OPCML: variants seen among roughly 807,000 people sequenced by gnomAD.
OPCML encodes opioid-binding protein/cell adhesion molecule.
Under a neutral mutation model 37.8 loss-of-function variants are expected in OPCML, and 13 were observed. That is an observed-to-expected ratio of 0.34 (90% confidence interval 0.22 to 0.55). The LOEUF (loss-of-function observed/expected upper bound fraction) is 0.55, where lower values mean the gene tolerates loss of function less well. Ranked by LOEUF, OPCML falls within the 20% of genes least tolerant of loss-of-function variation. The probability of loss-of-function intolerance (pLI) is 0.91; values close to 1 mark genes in which losing one functional copy is unlikely to be tolerated. For synonymous variants in OPCML, 176 were observed against 168.8 expected (o/e 1.04, Z -0.33); for missense variants, 341 against 435.6 (o/e 0.78, Z 1.93).
intron 3 of OPCML, among the ~76,000 whole-genome samples, chr11:132,622,041 A>G (rs754679348): frequency 6.6e-6 from 1 of 152,192 alleles, no homozygotes; most frequent in Non-Finnish European, 1.5e-5. Flanking sequence ...ATAATTGATT[A>G]TAAAAGAGAG....
At chr11:133,031,566 A>G (rs1040229656) in intron 1 of OPCML, among the ~76,000 whole-genome samples, 1 of 148,540 alleles carries the variant, frequency 6.7e-6, no homozygotes, top group African/African-American at 2.5e-5. Context: ...TGGTGGATGG[A>G]TGGGTAGATG....
At chr11:132,558,277 CCTT>C (rs1389034849) in intron 3 of OPCML, among the ~76,000 whole-genome samples, 1 of 142,030 alleles carries the variant, frequency 7.0e-6, no homozygotes, top group Admixed American at 7.0e-5. Context: ...CTCTTCTTCA[CCTT>C]CTTCCTCTTC....
intron 1 of OPCML, among the ~76,000 whole-genome samples, chr11:133,378,730 C>A (rs1221503055): frequency 2.5e-5 from 3 of 118,136 alleles, no homozygotes; most frequent in Admixed American, 8.6e-5. Flanking sequence ...CTTTTTTTGT[C>A]TTTTTTTGTT....
chr11:132,781,913 CT>C (rs1947035017), intron 2 of OPCML, among the ~76,000 whole-genome samples: 1 of 144,502 alleles, frequency 6.9e-6, no homozygotes, highest in Admixed American at 6.9e-5. Flanking sequence ...GTCAAGATGG[CT>C]TGCTGTTTCT....
chr11:132,648,382 G>A (rs1033002504), intron 3 of OPCML, among the ~76,000 whole-genome samples: 2 of 152,174 alleles, frequency 1.3e-5, no homozygotes, highest in Non-Finnish European at 2.9e-5. Context: ...AAATTCAGCA[G>A]AACATAACAG....
intron 2 of OPCML, among the ~76,000 whole-genome samples, chr11:132,872,485 A>C (rs1430937216): frequency 1.3e-5 from 2 of 152,008 alleles, no homozygotes; most frequent in Non-Finnish European, 2.9e-5. Context: ...CCACCTCCAC[A>C]AGTGAGCAAC....
intron 1 of OPCML, among the ~76,000 whole-genome samples, chr11:133,112,285 CAAAAAAAAA>C (rs370146450): frequency 4.1e-4 from 20 of 49,136 alleles, no homozygotes; most frequent in East Asian, 6.8e-4. Context: ...GACTCTTGGC[CAAAAAAAAA>C]AAAAAAAAAA....
At chr11:132,911,058 T>C (rs1391999784) in intron 2 of OPCML, among the ~76,000 whole-genome samples, 1 of 152,254 alleles carries the variant, frequency 6.6e-6, no homozygotes, top group Non-Finnish European at 1.5e-5. Flanking sequence ...TACATCTGGA[T>C]ATTAACGCTG....
intron 1 of OPCML, among the ~76,000 whole-genome samples, chr11:133,054,212 C>T (rs1948181386): frequency 6.6e-6 from 1 of 152,194 alleles, no homozygotes; most frequent in Admixed American, 6.5e-5. Context: ...CATGTTGGCC[C>T]TCTTATACAT....
At chr11:133,305,288 C>A (rs1422705340) in intron 1 of OPCML, among the ~76,000 whole-genome samples, 3 of 152,078 alleles carry the variant, frequency 2.0e-5, no homozygotes, top group Non-Finnish European at 4.4e-5. Context: ...CCCCCTGTAC[C>A]CCTCTCCAAG....
chr11:133,450,673 T>C (rs1946562970), intron 1 of OPCML, among the ~76,000 whole-genome samples: 1 of 151,682 alleles, frequency 6.6e-6, no homozygotes, highest in Non-Finnish European at 1.5e-5. Context: ...AATCCTTGTG[T>C]ACCCTGTGAC....
At chr11:132,459,247 C>T (rs1400420563) in intron 4 of OPCML, among the ~76,000 whole-genome samples, 1 of 152,102 alleles carries the variant, frequency 6.6e-6, no homozygotes, top group Non-Finnish European at 1.5e-5. Context: ...TGGACTAGAA[C>T]TTCCACTGTT....
At chr11:132,701,399 C>T (rs1204821426) in intron 2 of OPCML, among the ~76,000 whole-genome samples, 1 of 152,170 alleles carries the variant, frequency 6.6e-6, no homozygotes, top group Non-Finnish European at 1.5e-5. Flanking sequence ...TATCAATGAC[C>T]ATTTTTGTCT....
chr11:133,481,003 G>A (rs1947360034), intron 1 of OPCML, among the ~76,000 whole-genome samples: 1 of 152,196 alleles, frequency 6.6e-6, no homozygotes, highest in Non-Finnish European at 1.5e-5. Flanking sequence ...ACTGAGTGGG[G>A]CCCAGGCACT....
At chr11:133,117,393 A>G (rs79483183) in intron 1 of OPCML, among the ~76,000 whole-genome samples, 20,997 of 152,130 alleles carry the variant, frequency 0.14, 1,494 homozygotes, top group East Asian at 0.23. Flanking sequence ...GATGGACCAG[A>G]GCTTTCGGGG....
chr11:133,064,323 T>C (rs1220884803), intron 1 of OPCML, among the ~76,000 whole-genome samples: 5 of 152,198 alleles, frequency 3.3e-5, no homozygotes, highest in Non-Finnish European at 7.4e-5. Context: ...GGGCAGCCCC[T>C]GGTACCGCAA....
intron 3 of OPCML, among the ~76,000 whole-genome samples, chr11:132,607,734 A>G (rs1938395136): frequency 6.6e-6 from 1 of 152,270 alleles, no homozygotes; most frequent in South Asian, 2.1e-4. Context: ...CTTTCCTTTT[A>G]TATGAATCAA....
At chr11:133,379,155 A>G (rs1231204491) in intron 1 of OPCML, among the ~76,000 whole-genome samples, 1 of 152,216 alleles carries the variant, frequency 6.6e-6, no homozygotes, top group African/African-American at 2.4e-5. Flanking sequence ...CCTATCAATA[A>G]TAATTTTTCA....
Position 133,396,749 on chromosome 11 carries a change from C to T in OPCML, c.61+135515G>A, listed in dbSNP as rs1033489409. ...CACATTCACCATCCTTGAGCACACC[C>T]ACCATTTTCTCTTCTTTGTATCTTT... is the stretch of plus-strand genomic sequence containing the variant. On this transcript the variant is annotated intron_variant, in intron 1 of 7. Transcript: ENST00000524381. Among the ~76,000 whole-genome samples, 23 of 152,258 alleles carry T rather than the reference C, an allele frequency of 1.5e-4. 1 individual carries two copies. The highest frequency in any genetic ancestry group is 1.4e-3 in the East Asian group (7 of 5,184).
Sources: allele counts gnomAD v4.1 joint callset (sites outside exome capture counted in the v4.1 genomes callset), GRCh38; gene constraint gnomAD v4.1.1; transcripts MANE v1.5; gene names NCBI Gene and HGNC (gene_info 2026-07-23, HGNC 2026-07-21).